Variants in UBA6 observed in about 807,000 individuals in gnomAD.
The protein encoded by UBA6 is ubiquitin like modifier activating enzyme 6.
Under a neutral mutation model 148.3 loss-of-function variants are expected in UBA6, and 87 were observed. The observed-to-expected ratio is 0.59, with a 90% CI of 0.49 to 0.70. The LOEUF is 0.70. UBA6 is among the 30% of genes least tolerant of loss of function. UBA6 has a pLI of 0.00. For synonymous variants in UBA6, 376 were observed against 401.0 expected, an observed-to-expected ratio of 0.94 and a Z score of 0.75; for missense variants, 1,186 against 1,241.2, an observed-to-expected ratio of 0.96 and a Z score of 0.67.
chr4:67,638,570 A>G (rs571527632), intron 19 of UBA6, among the ~76,000 whole-genome samples: 4 of 152,126 alleles, frequency 2.6e-5, no homozygotes, highest in African/African-American at 9.7e-5. Context: ...TACTCCTTCT[A>G]TGTTTTCTAT....
chr4:67,648,199 T>C (rs1729466652), intron 14 of UBA6, among the ~76,000 whole-genome samples: 1 of 151,478 alleles, frequency 6.6e-6, no homozygotes, highest in South Asian at 2.1e-4. Context: ...CCGGGCGCAG[T>C]GGCTCACGCC....
intron 27 of UBA6, among the ~76,000 whole-genome samples, chr4:67,627,809 T>C (rs1284551745): frequency 2.0e-5 from 3 of 151,720 alleles, no homozygotes; most frequent in Non-Finnish European, 4.4e-5. Context: ...CTAAATTTTG[T>C]GGATGATTTT....
intron 19 of UBA6, among the ~76,000 whole-genome samples, chr4:67,636,724 C>T (rs192172021): frequency 1.3e-3 from 197 of 152,342 alleles, no homozygotes; most frequent in African/African-American, 4.3e-3. Flanking sequence ...AGTGCAGTGG[C>T]GTGATCTCGG....
intron 32 of UBA6, among the ~76,000 whole-genome samples, chr4:67,621,861 A>G (rs550407559): frequency 1.3e-5 from 2 of 152,306 alleles, no homozygotes; most frequent in South Asian, 4.1e-4. Flanking sequence ...CAGTCATAGG[A>G]CAGTAATAAG....
intron 7 of UBA6, among the ~76,000 whole-genome samples, 179 bp from the exon 8 acceptor site, chr4:67,670,771 T>C (rs1017880): frequency 0.23 from 34,936 of 152,110 alleles, 4,176 homozygotes; most frequent in Middle Eastern, 0.3. Flanking sequence ...ATCAAAGATT[T>C]TCAGTACTTT....
chr4:67,696,108 T>G (rs1730826295), intron 2 of UBA6, among the ~76,000 whole-genome samples: 1 of 151,862 alleles, frequency 6.6e-6, no homozygotes, highest in Non-Finnish European at 1.5e-5. Flanking sequence ...TGTCTATAAA[T>G]TACAGAACAG....
At chr4:67,621,988 G>A (rs188017793) in intron 32 of UBA6, among the ~76,000 whole-genome samples, 29 of 152,270 alleles carry the variant, frequency 1.9e-4, no homozygotes, top group South Asian at 1.2e-3. Flanking sequence ...AAGACCAGGG[G>A]TGAGACTTGG....
intron 17 of UBA6, among the ~76,000 whole-genome samples, chr4:67,642,807 A>G (rs1729337840): frequency 6.6e-6 from 1 of 151,946 alleles, no homozygotes; most frequent in Non-Finnish European, 1.5e-5. Context: ...TTTTGTCATT[A>G]TCTTTGGAAT....
At chr4:67,700,553 A>C (rs1468170996) in intron 1 of UBA6, among the ~76,000 whole-genome samples, 1 of 151,548 alleles carries the variant, frequency 6.6e-6, no homozygotes, top group African/African-American at 2.4e-5. Context: ...CTTCTTCCGA[A>C]GTCAACAAAG....
chr4:67,625,381 C>A (rs566835826), intron 28 of UBA6, among the ~76,000 whole-genome samples, 194 bp from the exon 29 acceptor site: 2 of 147,846 alleles, frequency 1.4e-5, no homozygotes, highest in Non-Finnish European at 3.0e-5. Context: ...TTAAAGAGAG[C>A]CAATTTTTTT....
At chr4:67,694,402 T>C (rs1214432939) in intron 2 of UBA6, among the ~76,000 whole-genome samples, 2 of 151,200 alleles carry the variant, frequency 1.3e-5, no homozygotes, top group Non-Finnish European at 3.0e-5. Flanking sequence ...TCTTTTTTTT[T>C]TTTTCTTGAC....
At chr4:67,681,455 A>G in intron 4 of UBA6, 108 bp downstream of exon 4, 1 of 664,618 alleles carries the variant, frequency 1.5e-6, no homozygotes, top group Non-Finnish European at 2.5e-6. Flanking sequence ...TTTAAAAAGT[A>G]GAGCATTAAA....
At chr4:67,683,207 T>C (rs1730481627) in intron 2 of UBA6, among the ~76,000 whole-genome samples, 1 of 152,248 alleles carries the variant, frequency 6.6e-6, no homozygotes, top group Admixed American at 6.5e-5. Context: ...TACTATAGTA[T>C]GTACGAAAGT....
In UBA6 at chr4:67,694,495, C is replaced by T. The variant is rs543627532; in HGVS notation, c.134+2150G>A. Among the ~76,000 whole-genome samples the T allele has an allele frequency of 6.6e-5, 10 of 151,790 alleles. No homozygotes were observed. The South Asian group carries it at 1.5e-3, about 22-fold the overall frequency. On this transcript the variant is annotated intron_variant, in intron 2 of 32. Coordinates refer to ENST00000322244, the MANE Select transcript of UBA6 (RefSeq NM_018227.6). Reference sequence around the variant, plus strand: ...CAAGCTCTGCCTCCCCGGTTCATGCCATTCTCCTGCCTCAGCCTCCCGACT... The same window carrying T: ...CAAGCTCTGCCTCCCCGGTTCATGCTATTCTCCTGCCTCAGCCTCCCGACT...
At chr4:67,689,422 TCTTTA>T (rs1730645167) in intron 2 of UBA6, among the ~76,000 whole-genome samples, 1 of 152,082 alleles carries the variant, frequency 6.6e-6, no homozygotes, top group Non-Finnish European at 1.5e-5. Context: ...AAAGTTACAC[TCTTTA>T]ATTTTCAGGA....
At chr4:67,645,739 T>G (rs1430084793) in intron 16 of UBA6, among the ~76,000 whole-genome samples, 199 bp downstream of exon 16, 1 of 152,206 alleles carries the variant, frequency 6.6e-6, no homozygotes, top group Admixed American at 6.5e-5. Flanking sequence ...TTTAAAGATA[T>G]TAATTAGACC....
chr4:67,670,389 T>C (rs1403473431), intron 8 of UBA6, 81 bp downstream of exon 8: 2 of 1,280,472 alleles, frequency 1.6e-6, no homozygotes, highest in Non-Finnish European at 2.2e-6. Context: ...TGCAATACTT[T>C]GCTGATACCA....
chr4:67,682,590 C>A (rs965158489), intron 2 of UBA6, among the ~76,000 whole-genome samples: 35 of 152,150 alleles, frequency 2.3e-4, no homozygotes, highest in African/African-American at 8.4e-4. Context: ...AAAACTTTCA[C>A]TATCAACAGG....
chr4:67,626,804 C>G (rs2109897159), intron 27 of UBA6, among the ~76,000 whole-genome samples: 1 of 151,988 alleles, frequency 6.6e-6, no homozygotes, highest in South Asian at 2.1e-4. Flanking sequence ...AAAATATTTA[C>G]TGAGTAGCTC....
Sources: allele counts gnomAD v4.1 joint callset (sites outside exome capture counted in the v4.1 genomes callset), GRCh38; gene constraint gnomAD v4.1.1; transcripts MANE v1.5; gene names NCBI Gene and HGNC (gene_info 2026-07-23, HGNC 2026-07-21).